BMP8B: variants seen among roughly 807,000 people sequenced by gnomAD.
BMP8B encodes bone morphogenetic protein 8b.
BMP8B carries 17 observed loss-of-function variants against 30.3 expected under a neutral mutation model. That is an observed-to-expected ratio of 0.56 (90% CI 0.38 to 0.84). BMP8B has a LOEUF of 0.84. BMP8B is among the 40% of genes least tolerant of loss of function. The pLI, the probability that BMP8B is intolerant of heterozygous loss-of-function variation, is 0.00. For synonymous variants in BMP8B, 131 were observed against 214.7 expected (o/e 0.61, Z 3.41); for missense variants, 253 against 494.6 (o/e 0.51, Z 4.63).
At chr1:39,775,110 G>C in intron 1 of BMP8B, 72 bp from the exon 2 acceptor site, 8 of 1,559,426 alleles carry the variant, frequency 5.1e-6, no homozygotes, top group Non-Finnish European at 7.0e-6. Context: ...GCTGGTGTGA[G>C]CCACCGCCCC....
chr1:39,786,917 G>A (rs1651020586), intron 1 of BMP8B, among the ~76,000 whole-genome samples: 2 of 152,218 alleles, frequency 1.3e-5, no homozygotes, highest in African/African-American at 4.8e-5. Context: ...GGAAGCAAAT[G>A]GCTGATGGCC....
intron 6 of BMP8B, chr1:39,762,704 G>T: frequency 6.8e-7 from 1 of 1,471,194 alleles, no homozygotes; most frequent in Non-Finnish European, 9.0e-7. Context: ...ATCACGGGCG[G>T]TCAGACTTGC....
At chr1:39,760,598 A>T (rs1648812826) in intron 6 of BMP8B, 30 bp from the exon 7 acceptor site, 1 of 1,608,288 alleles carries the variant, frequency 6.2e-7, no homozygotes, top group Admixed American at 1.7e-5. Context: ...AGGCAGGGGC[A>T]TGAGCCCAGT....
chr1:39,778,983 A>G (rs534227965), intron 1 of BMP8B, among the ~76,000 whole-genome samples: 41 of 152,286 alleles, frequency 2.7e-4, no homozygotes, highest in Admixed American at 1.4e-3. Flanking sequence ...AGATGGGGAA[A>G]CTGAGGCCAA....
In BMP8B at chr1:39,759,988, C is replaced by T. The variant is rs1485030551; in HGVS notation, c.*431G>A. The T allele has an allele frequency of 9.3e-6, 2 of 215,154 alleles. No individual in the cohort carries two copies. Among genetic ancestry groups the T allele is most frequent in the Admixed American group, 1.0e-4 (2 of 19,234 alleles). 13.3% of individuals were successfully genotyped at this position (215,154 alleles called of 1,614,324 possible). A position where few individuals can be genotyped will look rare whatever the true frequency, so the allele number is the denominator to read the frequency against. On this transcript the variant is annotated 3_prime_UTR_variant, in exon 7 of 7. Coordinates refer to ENST00000372827, the MANE Select transcript of BMP8B (RefSeq NM_001720.5). ...GCCAACCAGACCCTGACTACACACA[C>T]CACACCCTGTGATGGATGGTGAAGA...
rs138246844 is a variant in BMP8B at position 39,763,173 on chromosome 1, C to T, written c.978G>A (p.Ser326=). 1.1e-3 allele frequency: 1,728 copies of T among 1,613,696 alleles called. 26 individuals carry two copies. The highest frequency in any genetic ancestry group is 5.4e-3 in the African/African-American group (402 of 74,986). ...LDWVIAPQGY[S]AYYCEGECSF... is the part of the protein sequence containing the mutation. ...AGCACTCCCCCTCACAGTAATAGGCCGAGTAGCCTTGGGGAGCGATGACCC... is the reference window on the plus strand; with the variant it reads ...AGCACTCCCCCTCACAGTAATAGGCTGAGTAGCCTTGGGGAGCGATGACCC... Residue 326 remains serine (S), a synonymous_variant, in exon 6 of 7, where the codon TCG becomes TCA. Transcript: ENST00000372827.
At chr1:39,784,994 CAGA>C (rs1223746402) in intron 1 of BMP8B, among the ~76,000 whole-genome samples, 1 of 99,700 alleles carries the variant, frequency 1.0e-5, no homozygotes, top group African/African-American at 3.2e-5. Context: ...GAGAAGGATT[CAGA>C]AGGAGTGTGC....
At chr1:39,785,829 C>T (rs1650944020) in intron 1 of BMP8B, among the ~76,000 whole-genome samples, 1 of 152,188 alleles carries the variant, frequency 6.6e-6, no homozygotes, top group African/African-American at 2.4e-5. Flanking sequence ...CCCCACCCAG[C>T]CTCAGTAATT....
intron 1 of BMP8B, among the ~76,000 whole-genome samples, chr1:39,782,151 C>CA (rs58953661): frequency 0.51 from 63,758 of 126,154 alleles, 15,133 homozygotes; most frequent in African/African-American, 0.6. Flanking sequence ...AACTCCATCT[C>CA]AAAAAAAAAA....
At chr1:39,782,880 A>G (rs951572406) in intron 1 of BMP8B, among the ~76,000 whole-genome samples, 2 of 151,956 alleles carry the variant, frequency 1.3e-5, no homozygotes, top group African/African-American at 4.8e-5. Context: ...GGCAACCTCC[A>G]TCTCCCAGGT....
In BMP8B at chr1:39,763,390, TC is replaced by T. The variant is rs373720672; in HGVS notation, c.949-189del. On this transcript the variant is annotated intron_variant, in intron 5 of 6. Transcript: ENST00000372827. ...CCCCATATCTTCACTTTGCGTCCCC[TC>T]CCCAGCCGGCCCTCCCCTGCCCACG... is the stretch of plus-strand genomic sequence containing the variant. Among the ~76,000 whole-genome samples, 4 of 144,556 alleles carry T rather than the reference TC, an allele frequency of 2.8e-5. No homozygotes were observed. The East Asian group carries it at 8.0e-4, about 29-fold the overall frequency. The allele number at this position is 144,556 out of a possible 152,430, so 94.8% of individuals were successfully genotyped here. A position where few individuals can be genotyped will look rare whatever the true frequency, so the allele number is the denominator to read the frequency against.
intron 3 of BMP8B, among the ~76,000 whole-genome samples, chr1:39,768,082 GCACACA>G (rs376676110): frequency 2.0e-5 from 3 of 148,990 alleles, no homozygotes; most frequent in Admixed American, 6.7e-5. Flanking sequence ...ACGCGTGCAT[GCACACA>G]CACACACACA....
intron 3 of BMP8B, chr1:39,771,208 G>C (rs547878500): frequency 6.5e-7 from 1 of 1,529,638 alleles, no homozygotes; most frequent in East Asian, 2.5e-5. Flanking sequence ...AGCCGCCGGC[G>C]GGGACCCCGC....
At chr1:39,787,095 C>T (rs1194029812) in intron 1 of BMP8B, among the ~76,000 whole-genome samples, 3 of 152,230 alleles carry the variant, frequency 2.0e-5, no homozygotes, top group Admixed American at 6.5e-5. Context: ...GTAGAGGCTG[C>T]GCTGTCCTAG....
intron 6 of BMP8B, among the ~76,000 whole-genome samples, chr1:39,761,918 G>A (rs1322204071): frequency 1.3e-5 from 2 of 152,258 alleles, no homozygotes; most frequent in Non-Finnish European, 2.9e-5. Context: ...GGTTACGAGT[G>A]CTCACTTTAG....
At chr1:39,762,964 A>ACT (rs201908753) in intron 6 of BMP8B, 128 bp downstream of exon 6, 11 of 1,190,362 alleles carry the variant, frequency 9.2e-6, no homozygotes, top group East Asian at 2.4e-5. Context: ...GACGTTACTG[A>ACT]CTGTGCAGAC....
chr1:39,781,184 G>A (rs1161209170), intron 1 of BMP8B, among the ~76,000 whole-genome samples: 2 of 152,202 alleles, frequency 1.3e-5, no homozygotes, highest in Non-Finnish European at 2.9e-5. Flanking sequence ...TTGCTAAGGA[G>A]TGTTCATAGA....
intron 1 of BMP8B, among the ~76,000 whole-genome samples, chr1:39,781,543 T>G (rs961197359): frequency 6.6e-6 from 1 of 152,230 alleles, no homozygotes; most frequent in Non-Finnish European, 1.5e-5. Context: ...TTAAATAAAT[T>G]AGACCATAAT....
chr1:39,782,407 G>T (rs1395420895), intron 1 of BMP8B, among the ~76,000 whole-genome samples: 1 of 152,070 alleles, frequency 6.6e-6, no homozygotes, highest in Non-Finnish European at 1.5e-5. Context: ...GGCATAATCC[G>T]CAGGCCCTTC....
Sources: allele counts gnomAD v4.1 joint callset (sites outside exome capture counted in the v4.1 genomes callset), GRCh38; gene constraint gnomAD v4.1.1; transcripts MANE v1.5; gene names NCBI Gene and HGNC (gene_info 2026-07-23, HGNC 2026-07-21).